MS4A7: variants seen among roughly 807,000 people sequenced by gnomAD.
The protein encoded by MS4A7 is membrane spanning 4-domains A7, also known as membrane-spanning 4-domains subfamily A member 7.
MS4A7 carries 21 observed loss-of-function variants against 23.5 expected under a neutral mutation model. That is an observed-to-expected ratio of 0.89 (90% CI 0.63 to 1.29). The LOEUF is 1.29. Among genes scored for constraint, MS4A7 ranks in the 50% most tolerant of loss-of-function variants. The pLI, the probability that MS4A7 is intolerant of heterozygous loss-of-function variation, is 0.00. For synonymous variants in MS4A7, 111 were observed against 107.4 expected, an observed-to-expected ratio of 1.03 and a Z score of -0.21; for missense variants, 263 against 274.2, an observed-to-expected ratio of 0.96 and a Z score of 0.29.
rs553525402 is a variant in MS4A7, at chr11:60,385,459, A to C, written c.282+237A>C. 1.4e-4 allele frequency among the ~76,000 whole-genome samples: 22 copies of C among 152,384 alleles called. No homozygotes were observed. In the East Asian group the frequency reaches 4.2e-3, roughly 29 times the overall value. On this transcript the variant is annotated intron_variant, in intron 3 of 6. Transcript: ENST00000300184. Reference sequence around the variant, plus strand: ...GGAATGGTAATACAATGGGTATACCAGCACAGAATTTCTTACCTGGCATTA... The same window carrying C: ...GGAATGGTAATACAATGGGTATACCCGCACAGAATTTCTTACCTGGCATTA...
At chr11:60,389,362 A>C (rs374562174) in intron 4 of MS4A7, 28 bp from the exon 5 acceptor site, 51 of 1,576,896 alleles carry the variant, frequency 3.2e-5, no homozygotes, top group Non-Finnish European at 4.3e-5. Context: ...TTCTGTGATG[A>C]GAACCCAATG....
chr11:60,390,136 G>A (rs1261311537), intron 5 of MS4A7, among the ~76,000 whole-genome samples: 1 of 152,130 alleles, frequency 6.6e-6, no homozygotes, highest in Non-Finnish European at 1.5e-5. Flanking sequence ...CACAAAACTT[G>A]AACCTTAAGT....
At chr11:60,387,178 CA>C (rs1396011170) in intron 4 of MS4A7, among the ~76,000 whole-genome samples, 1 of 152,092 alleles carries the variant, frequency 6.6e-6, no homozygotes, top group East Asian at 1.9e-4. Context: ...TTTTTGATGC[CA>C]AATGTCCCCA....
rs1346926351 is a variant in MS4A7 at position 60,383,269 on chromosome 11, C to T, written c.128C>T (p.Thr43Ile). Residue 43 changes from threonine (T) to isoleucine (I), a missense_variant, in exon 2 of 7, where the codon ACA becomes ATA. Thr to Ile is a moderately conservative substitution (Grantham distance 89). Transcript: ENST00000300184. Reference sequence around the variant, plus strand: ...GATTACCTGCAGAACGGGCTGCCAACAGAAACCACCGTTCTTGGGGTAAGT... The same window carrying T: ...GATTACCTGCAGAACGGGCTGCCAATAGAAACCACCGTTCTTGGGGTAAGT... ...NEDYLQNGLP[T>I]ETTVLGTVQI... is the part of the protein sequence containing the mutation. 1 of 1,614,056 alleles carries T rather than the reference C, an allele frequency of 6.2e-7. No individual in the cohort carries two copies. Among genetic ancestry groups the T allele is most frequent in the Admixed American group, 1.7e-5 (1 of 60,008 alleles).
chr11:60,385,253 A>G, intron 3 of MS4A7, 31 bp downstream of exon 3: 1 of 1,613,092 alleles, frequency 6.2e-7, no homozygotes, highest in South Asian at 1.1e-5. Context: ...AAGAGGGGAC[A>G]TGCTTTATAA....
At chr11:60,385,012 C>A (rs1406864829) in intron 2 of MS4A7, 76 bp from the exon 3 acceptor site, 26 of 1,372,792 alleles carry the variant, frequency 1.9e-5, no homozygotes, top group Admixed American at 1.8e-4. Flanking sequence ...ACTCTTTATA[C>A]TTTACCGTGT....
rs2085582594 is a variant in MS4A7 at position 60,393,971 on chromosome 11, A to T, written c.*110A>T. On this transcript the variant is annotated 3_prime_UTR_variant, in exon 7 of 7. Transcript: ENST00000300184. ...TAGATACTGTGAAACAAACTAAAAA[A>T]AAAAAAGCTTTTGTTTTGTATTTGT... The T allele has an allele frequency of 3.4e-6, 2 of 594,730 alleles. No homozygotes were observed. Among genetic ancestry groups the T allele is most frequent in the Non-Finnish European group, 5.6e-6 (2 of 358,310 alleles). The allele number at this position is 594,730 out of a possible 1,614,324, so 36.8% of individuals were successfully genotyped here. A position where few individuals can be genotyped will look rare whatever the true frequency, so the allele number is the denominator to read the frequency against.
intron 4 of MS4A7, 23 bp from the exon 5 acceptor site, chr11:60,389,367 C>A: frequency 6.3e-7 from 1 of 1,586,222 alleles, no homozygotes; most frequent in Admixed American, 1.7e-5. Flanking sequence ...TGATGAGAAC[C>A]CAATGCAGAG....
At chr11:60,383,080 T>C in intron 1 of MS4A7, 49 bp from the exon 2 acceptor site, 6 of 1,589,398 alleles carry the variant, frequency 3.8e-6, no homozygotes, top group Non-Finnish European at 5.1e-6. Flanking sequence ...GAAGTTTATG[T>C]CTGTAAGTCA....
rs2085568160 is a variant in MS4A7, at chr11:60,392,801, A to G, written c.648+15A>G. ...ACAACCCTGGGGTGAGTATGCTGAC[A>G]TGTCGCCTGATACCTGCTGTGTCTC... On this transcript the variant is annotated intron_variant, in intron 6 of 6. Transcript: ENST00000300184. The G allele has an allele frequency of 1.3e-6, 2 of 1,546,888 alleles. No individual in the cohort carries two copies. The highest frequency in any genetic ancestry group is 1.8e-6 in the Non-Finnish European group (2 of 1,119,010).
At position 60,394,626 on chromosome 11, in the gene MS4A7, C is replaced by A. The variant is rs1728082293; in HGVS notation, c.*765C>A. ...GACCAGCCTGGCCAACAAGGTGAAA[C>A]CCTGTCTCTACTAAAAATACAAAAA... On this transcript the variant is annotated 3_prime_UTR_variant, in exon 7 of 7. Coordinates refer to ENST00000300184, the MANE Select transcript of MS4A7 (RefSeq NM_021201.5). The A allele has an allele frequency of 6.3e-6, 1 of 157,784 alleles. No homozygotes were observed. Among genetic ancestry groups the A allele is most frequent in the Non-Finnish European group, 1.4e-5 (1 of 72,244 alleles). The allele number at this position is 157,784 out of a possible 1,614,324, so 9.8% of individuals were successfully genotyped here. A position where few individuals can be genotyped will look rare whatever the true frequency, so the allele number is the denominator to read the frequency against.
chr11:60,389,942 GA>G, intron 5 of MS4A7: 1 of 246,236 alleles, frequency 4.1e-6, no homozygotes, highest in South Asian at 5.7e-5. Context: ...ATCACAGGCA[GA>G]AATATTCTTC....
intron 4 of MS4A7, among the ~76,000 whole-genome samples, chr11:60,387,974 T>G (rs1482886833): frequency 6.6e-6 from 1 of 152,218 alleles, no homozygotes; most frequent in Non-Finnish European, 1.5e-5. Flanking sequence ...TGTGCCAGGC[T>G]CTGTGCGAGG....
intron 5 of MS4A7, among the ~76,000 whole-genome samples, chr11:60,390,140 CT>C (rs1203549865): frequency 6.6e-6 from 1 of 152,156 alleles, no homozygotes; most frequent in Non-Finnish European, 1.5e-5. Context: ...AAACTTGAAC[CT>C]TAAGTCCAAA....
intron 2 of MS4A7, 88 bp from the exon 3 acceptor site, chr11:60,385,000 A>G (rs369069165): frequency 7.8e-5 from 96 of 1,225,878 alleles, no homozygotes; most frequent in South Asian, 4.5e-4. Flanking sequence ...AATGTATTTT[A>G]TACTCTTTAT....
intron 2 of MS4A7, among the ~76,000 whole-genome samples, chr11:60,384,132 G>C (rs1156704971): frequency 6.6e-6 from 1 of 152,048 alleles, no homozygotes; most frequent in African/African-American, 2.4e-5. Flanking sequence ...GGATCTCCCT[G>C]CCCTGTTTCT....
rs149134203 is a variant in MS4A7 at position 60,391,076 on chromosome 11, G to A, written c.546+1480G>A. ...CACACAGTTTTAACATCCATGACAA[G>A]ATTTGGCATTGGACAGGGCCATAAA... On this transcript the variant is annotated intron_variant, in intron 5 of 6. Coordinates refer to ENST00000300184, the MANE Select transcript of MS4A7 (RefSeq NM_021201.5). Among the ~76,000 whole-genome samples, 795 of 152,276 alleles carry A rather than the reference G, an allele frequency of 5.2e-3. 1 individual carries two copies. The highest frequency in any genetic ancestry group is 0.018 in the African/African-American group (754 of 41,554).
rs2085591714 is a variant in MS4A7, at chr11:60,394,599, G to C, written c.*738G>C. ...ACGGATCACCCGAGGTCAGGAGTTT[G>C]AGACCAGCCTGGCCAACAAGGTGAA... On this transcript the variant is annotated 3_prime_UTR_variant, in exon 7 of 7. Transcript: ENST00000300184. 6.5e-6 allele frequency: 1 copy of C among 154,418 alleles called. No individual in the cohort carries two copies. The highest frequency in any genetic ancestry group is 2.4e-5 in the African/African-American group (1 of 41,470). The allele number at this position is 154,418 out of a possible 1,614,324, so 9.6% of individuals were successfully genotyped here. A position where few individuals can be genotyped will look rare whatever the true frequency, so the allele number is the denominator to read the frequency against.
At position 60,394,836 on chromosome 11, in the gene MS4A7, A is replaced by T. The variant is rs989958374; in HGVS notation, c.*975A>T. ...TAAAAAAATAAATAAAAATAAAAAT[A>T]GACTATATATAGTCTTTGAATTCAT... On this transcript the variant is annotated 3_prime_UTR_variant, in exon 7 of 7. Coordinates refer to ENST00000300184, the MANE Select transcript of MS4A7 (RefSeq NM_021201.5). The T allele has an allele frequency of 1.5e-5, 6 of 408,436 alleles. No individual in the cohort carries two copies. Among genetic ancestry groups the T allele is most frequent in the African/African-American group, 2.1e-5 (1 of 48,190 alleles). 25.3% of individuals were successfully genotyped at this position (408,436 alleles called of 1,614,324 possible). A position where few individuals can be genotyped will look rare whatever the true frequency, so the allele number is the denominator to read the frequency against.
Sources: gnomAD v4.1 joint callset for allele counts (sites outside exome capture counted in the v4.1 genomes callset) on GRCh38, gnomAD v4.1.1 for gene constraint, MANE v1.5 for transcripts, NCBI Gene and HGNC (gene_info 2026-07-23, HGNC 2026-07-21) for gene names.